Variants in DAPK2 observed in about 807,000 individuals in gnomAD.
The protein encoded by DAPK2 is death-associated protein kinase 2.
In DAPK2, 35 loss-of-function variants were observed where a neutral mutation model predicts 44.1. That is an observed-to-expected ratio of 0.79 (90% CI 0.61 to 1.05). DAPK2 has a LOEUF of 1.05. DAPK2 is among the 50% of genes least tolerant of loss of function. DAPK2 has a pLI of 0.00. For synonymous variants in DAPK2, 174 were observed against 182.6 expected (o/e 0.95, Z 0.38); for missense variants, 453 against 483.2 (o/e 0.94, Z 0.59).
chr15:63,942,090 T>G, intron 3 of DAPK2: 1 of 422,750 alleles, frequency 2.4e-6, no homozygotes, highest in Non-Finnish European at 3.2e-6. Flanking sequence ...ACACGCTGAA[T>G]GGGGGTGGGA....
chr15:63,970,255 A>T (rs992001130), intron 3 of DAPK2, among the ~76,000 whole-genome samples: 1 of 152,150 alleles, frequency 6.6e-6, no homozygotes, highest in South Asian at 2.1e-4. Flanking sequence ...TGCTTCCTGC[A>T]CTGTTCCTGG....
chr15:63,986,908 A>G (rs946149984), intron 1 of DAPK2, among the ~76,000 whole-genome samples: 1 of 152,168 alleles, frequency 6.6e-6, no homozygotes, highest in Non-Finnish European at 1.5e-5. Context: ...AAGAAACTAT[A>G]CCACTGTTAC....
chr15:63,992,621 A>G (rs2078849962), intron 1 of DAPK2, among the ~76,000 whole-genome samples: 1 of 152,190 alleles, frequency 6.6e-6, no homozygotes, highest in African/African-American at 2.4e-5. Flanking sequence ...GGAGGCCCCA[A>G]ATAACCTCTC....
chr15:63,913,066 T>C (rs1299698981), intron 8 of DAPK2, among the ~76,000 whole-genome samples: 1 of 152,074 alleles, frequency 6.6e-6, no homozygotes, highest in Non-Finnish European at 1.5e-5. Context: ...CGGATGAACC[T>C]TAAAAACATT....
intron 4 of DAPK2, among the ~76,000 whole-genome samples, chr15:63,933,454 G>A (rs1250872034): frequency 6.6e-6 from 1 of 152,108 alleles, no homozygotes. Context: ...TGTTGGCCAG[G>A]CTGGTCTCAA....
At chr15:63,932,823 C>A (rs1014930662) in intron 4 of DAPK2, 5 of 152,224 alleles carry the variant, frequency 3.3e-5, no homozygotes, top group African/African-American at 1.2e-4. Context: ...TGCTGTCATA[C>A]TGCATGTGAT....
chr15:63,988,660 T>C (rs1030554539), intron 1 of DAPK2, among the ~76,000 whole-genome samples: 1 of 151,546 alleles, frequency 6.6e-6, no homozygotes, highest in African/African-American at 2.4e-5. Flanking sequence ...ACCGCGACCA[T>C]GGATGGCTAA....
intron 1 of DAPK2, among the ~76,000 whole-genome samples, chr15:64,019,518 G>A (rs1030879613): frequency 6.6e-6 from 1 of 152,198 alleles, no homozygotes; most frequent in African/African-American, 2.4e-5. Flanking sequence ...ATTATCTTAT[G>A]TCTAATACAT....
At chr15:63,964,973 A>C (rs1469707977) in intron 3 of DAPK2, among the ~76,000 whole-genome samples, 2 of 152,058 alleles carry the variant, frequency 1.3e-5, no homozygotes, top group East Asian at 3.9e-4. Flanking sequence ...TCATTTGGTG[A>C]AGTCATGATT....
intron 2 of DAPK2, among the ~76,000 whole-genome samples, chr15:63,976,393 T>C (rs920124003): frequency 2.0e-5 from 3 of 152,228 alleles, no homozygotes; most frequent in Non-Finnish European, 2.9e-5. Context: ...AGAATTGCAT[T>C]TCACTTTAAC....
intron 3 of DAPK2, among the ~76,000 whole-genome samples, chr15:63,940,032 T>C (rs2077265922): frequency 6.6e-6 from 1 of 152,182 alleles, no homozygotes; most frequent in South Asian, 2.1e-4. Flanking sequence ...ACAATGCAGG[T>C]GGGTGCAGGG....
rs939539718 is a variant in DAPK2 at position 63,908,568 on chromosome 15, G to A, written c.1065C>T (p.Ile355=). ...GTGGGTGGAGGGCTTTCCTCCTGGC[G>A]ATGTCCTCCTCAGTGTCACTCTCAC... is the stretch of plus-strand genomic sequence containing the variant. The change falls in exon 11 of 11, where the codon ATC becomes ATT. Residue 355 remains isoleucine, a synonymous_variant. Transcript: ENST00000261891. The surrounding 1 kb of genome is among the most constrained non-coding windows in gnomAD (Gnocchi z 5.7). 1.4e-5 allele frequency: 23 copies of A among 1,602,040 alleles called. No homozygotes were observed. Among genetic ancestry groups the A allele is most frequent in the Non-Finnish European group, 2.0e-5 (23 of 1,175,640 alleles).
At chr15:63,991,295 A>G (rs2078810305) in intron 1 of DAPK2, 1 of 456,228 alleles carries the variant, frequency 2.2e-6, no homozygotes, top group South Asian at 1.5e-5. Flanking sequence ...CGCAGGGAGC[A>G]GCAGCAAAGT....
At chr15:63,914,449 A>T (rs1244889111) in intron 8 of DAPK2, among the ~76,000 whole-genome samples, 1 of 152,112 alleles carries the variant, frequency 6.6e-6, no homozygotes, top group Non-Finnish European at 1.5e-5. Context: ...AGCCCTCTAG[A>T]TCCTGTCTTT....
At chr15:63,956,525 C>T (rs911425559) in intron 3 of DAPK2, among the ~76,000 whole-genome samples, 3 of 151,514 alleles carry the variant, frequency 2.0e-5, no homozygotes, top group South Asian at 2.1e-4. Context: ...CAAAATTCCT[C>T]GTTATTATTT....
intron 3 of DAPK2, among the ~76,000 whole-genome samples, chr15:63,961,217 C>T (rs975000131): frequency 6.6e-6 from 1 of 152,090 alleles, no homozygotes; most frequent in African/African-American, 2.4e-5. Flanking sequence ...TCCTCCATCC[C>T]TTTGTTTTGA....
Position 63,990,540 on chromosome 15 carries a change from A to C in DAPK2, c.93-6786T>G, listed in dbSNP as rs2078791121. Among the ~76,000 whole-genome samples, 1 of 152,194 alleles carries C rather than the reference A, an allele frequency of 6.6e-6. No homozygotes were observed. The highest frequency in any genetic ancestry group is 2.4e-5 in the African/African-American group (1 of 41,448). On this transcript the variant is annotated intron_variant, in intron 1 of 10. Coordinates refer to ENST00000261891, the Ensembl canonical transcript of DAPK2. The surrounding 1 kb of genome is among the most constrained non-coding windows in gnomAD (Gnocchi z 4.3). Reference sequence around the variant, plus strand: ...TGTACCCCTAAGTCACCAGTCTATCAAGGTGGAAATGAGGTAGAGCTGCAT... The same window carrying C: ...TGTACCCCTAAGTCACCAGTCTATCCAGGTGGAAATGAGGTAGAGCTGCAT...
At chr15:64,025,599 T>C (rs1170619622) in intron 1 of DAPK2, among the ~76,000 whole-genome samples, 3 of 152,200 alleles carry the variant, frequency 2.0e-5, no homozygotes, top group Non-Finnish European at 4.4e-5. Context: ...TAAACCCTAC[T>C]GGAGTAGATC....
chr15:64,040,441 G>A (rs1006319653), upstream of DAPK2, among the ~76,000 whole-genome samples: 1 of 152,118 alleles, frequency 6.6e-6, no homozygotes, highest in Non-Finnish European at 1.5e-5. Context: ...AGCTGATGAT[G>A]TATGGTTCTT....
Sources: allele counts gnomAD v4.1 joint callset (sites outside exome capture counted in the v4.1 genomes callset), GRCh38; gene constraint gnomAD v4.1.1; non-coding constraint Gnocchi (gnomAD v3.1); transcripts MANE v1.5; gene names NCBI Gene and HGNC (gene_info 2026-07-23, HGNC 2026-07-21).